DOCK2: variants seen among roughly 807,000 people sequenced by gnomAD.
DOCK2 encodes the protein dedicator of cytokinesis 2, also known as dedicator of cytokinesis protein 2.
A neutral mutation model predicts 248.9 loss-of-function variants in DOCK2; 87 were observed. The ratio of observed to expected loss-of-function variants is 0.35; its 90% CI spans 0.29 to 0.42. DOCK2 has a LOEUF of 0.42. DOCK2 is among the 10% of genes least tolerant of loss of function. The pLI is 1.00. For synonymous variants in DOCK2, 805 were observed against 821.6 expected (o/e 0.98, Z 0.35); for missense variants, 1,747 against 2,300.2 (o/e 0.76, Z 4.92).
At chr5:169,879,367 TA>T (rs955547089) in intron 27 of DOCK2, among the ~76,000 whole-genome samples, 11 of 151,440 alleles carry the variant, frequency 7.3e-5, no homozygotes, top group African/African-American at 2.2e-4. Flanking sequence ...GAATGTTTTC[TA>T]AAAAAAAATG....
At position 169,763,651 on chromosome 5, in the gene DOCK2, C is replaced by A. The variant is rs768554190; in HGVS notation, c.2554+2026C>A. Among the ~76,000 whole-genome samples, 2 of 152,218 alleles carry A rather than the reference C, an allele frequency of 1.3e-5. No individual in the cohort carries two copies. Among genetic ancestry groups the A allele is most frequent in the African/African-American group, 2.4e-5 (1 of 41,452 alleles). On this transcript the variant is annotated intron_variant, in intron 25 of 51. Transcript: ENST00000520908. This position sits in a 1 kb window ranked among gnomAD's most constrained non-coding sequence, Gnocchi z 4.1. ...GGCTGGACAGCTGCTGCTTCTCAGT[C>A]CTGCTGTGTGTCTGGGTTTCAGATT... is the stretch of plus-strand genomic sequence containing the variant.
chr5:169,956,070 T>G (rs1776854211), intron 27 of DOCK2, among the ~76,000 whole-genome samples: 1 of 149,128 alleles, frequency 6.7e-6, no homozygotes, highest in African/African-American at 2.5e-5. Context: ...AGGCTTGGGG[T>G]CTGGAGTCTG....
intron 26 of DOCK2, among the ~76,000 whole-genome samples, chr5:169,834,584 AC>A: frequency 1.5e-5 from 1 of 66,690 alleles, no homozygotes; most frequent in Admixed American, 1.6e-4. Context: ...CACAAGCCCT[AC>A]TCACATGCTC....
intron 3 of DOCK2, 46 bp downstream of exon 3, chr5:169,669,374 T>C: frequency 2.5e-6 from 4 of 1,604,750 alleles, no homozygotes; most frequent in African/African-American, 2.7e-5. Context: ...GAGGTCTTCA[T>C]ATGGCCCCGC....
intron 23 of DOCK2, among the ~76,000 whole-genome samples, chr5:169,750,866 G>T (rs564840751): frequency 6.6e-6 from 1 of 152,370 alleles, no homozygotes; most frequent in South Asian, 2.1e-4. Flanking sequence ...GATGAGGGCA[G>T]AGGTGTCAAG....
intron 32 of DOCK2, among the ~76,000 whole-genome samples, chr5:170,014,755 T>G (rs1755449004): frequency 6.6e-6 from 1 of 151,018 alleles, no homozygotes; most frequent in African/African-American, 2.4e-5. Context: ...AGTAGGCAGG[T>G]GGAGGGAGGG....
At chr5:170,050,155 TC>T in intron 40 of DOCK2, 100 bp from the exon 41 acceptor site, 1 of 1,465,562 alleles carries the variant, frequency 6.8e-7, no homozygotes, top group Non-Finnish European at 9.3e-7. Context: ...GCACTGGACA[TC>T]CCCATGGACC....
chr5:169,929,293 C>T (rs965715673), intron 27 of DOCK2, among the ~76,000 whole-genome samples: 1 of 152,174 alleles, frequency 6.6e-6, no homozygotes, highest in Non-Finnish European at 1.5e-5. Flanking sequence ...CTTTCCTTTC[C>T]CCATTGACAC....
At chr5:170,038,579 G>T (rs999180964) in intron 36 of DOCK2, among the ~76,000 whole-genome samples, 1 of 152,188 alleles carries the variant, frequency 6.6e-6, no homozygotes, top group African/African-American at 2.4e-5. Flanking sequence ...GCCGAACCGG[G>T]TGGTGGCAGC....
intron 30 of DOCK2, among the ~76,000 whole-genome samples, chr5:169,999,587 A>C (rs1754762389): frequency 6.6e-6 from 1 of 152,176 alleles, no homozygotes; most frequent in South Asian, 2.1e-4. Context: ...TGTAAAACAG[A>C]AGAGTGGCCA....
chr5:169,761,261 T>A, intron 24 of DOCK2: 1 of 366,364 alleles, frequency 2.7e-6, no homozygotes. Context: ...GAATGCAAAA[T>A]GCAAAGTGTG....
At position 170,080,263 on chromosome 5, in the gene DOCK2, A is replaced by T; in HGVS notation, c.5267A>T (p.Gln1756Leu). ...SVLSQMSFAS[Q>L]SMPTIPALAL... The stretch of plus-strand genomic sequence containing the variant: ...CTCTCTCAAATGAGCTTTGCCAGCC[A>T]GTCCATGCCTACCATCCCAGGTATG... The change falls in exon 50 of 52, where the codon CAG (glutamine) becomes CTG (leucine). Residue 1756 changes from glutamine (Q) to leucine (L), a missense_variant. By Grantham distance (113) the Gln-to-Leu change is moderately radical. Coordinates refer to ENST00000520908, the MANE Select transcript of DOCK2 (RefSeq NM_004946.3). 1 of 1,614,142 alleles carries T rather than the reference A, an allele frequency of 6.2e-7. No homozygotes were observed. The highest frequency in any genetic ancestry group is 8.5e-7 in the Non-Finnish European group (1 of 1,180,002).
chr5:169,808,442 T>A (rs36037302), intron 26 of DOCK2, among the ~76,000 whole-genome samples: 23,574 of 151,772 alleles, frequency 0.16, 2,162 homozygotes, highest in Admixed American at 0.22. Context: ...CAGGGGGAGA[T>A]GTCTGCCTTA....
intron 27 of DOCK2, among the ~76,000 whole-genome samples, chr5:169,909,289 T>G (rs1430604596): frequency 6.6e-6 from 1 of 152,224 alleles, no homozygotes; most frequent in Non-Finnish European, 1.5e-5. Flanking sequence ...AATAGCCCAG[T>G]GTTGCTGGTG....
intron 22 of DOCK2, among the ~76,000 whole-genome samples, chr5:169,725,402 T>C (rs78652227): frequency 0.095 from 14,491 of 152,268 alleles, 931 homozygotes; most frequent in African/African-American, 0.18. Context: ...CATGAACATA[T>C]GTGAAAGTGG....
chr5:169,717,734 G>T (rs1261325211), intron 21 of DOCK2, among the ~76,000 whole-genome samples: 1 of 152,160 alleles, frequency 6.6e-6, no homozygotes, highest in Non-Finnish European at 1.5e-5. Context: ...CAGCTAGCGT[G>T]CTCTCATTTC....
At chr5:169,976,931 A>T (rs1022572651) in intron 27 of DOCK2, among the ~76,000 whole-genome samples, 1 of 152,248 alleles carries the variant, frequency 6.6e-6, no homozygotes. Flanking sequence ...GTAGCAGGCC[A>T]CATGAACCTT....
chr5:169,925,413 T>C (rs1775385759), intron 27 of DOCK2, among the ~76,000 whole-genome samples: 1 of 151,816 alleles, frequency 6.6e-6, no homozygotes, highest in African/African-American at 2.4e-5. Flanking sequence ...AACCCCATCT[T>C]TACTAAAATT....
chr5:169,771,587 C>A (rs927813006), intron 25 of DOCK2, among the ~76,000 whole-genome samples: 1 of 152,014 alleles, frequency 6.6e-6, no homozygotes, highest in Non-Finnish European at 1.5e-5. Context: ...GGCCTTTTGT[C>A]TTTCTGTCAG....
Sources: gnomAD v4.1 joint callset for allele counts (sites outside exome capture counted in the v4.1 genomes callset) on GRCh38, gnomAD v4.1.1 for gene constraint, Gnocchi (gnomAD v3.1) non-coding constraint, MANE v1.5 for transcripts, NCBI Gene and HGNC (gene_info 2026-07-23, HGNC 2026-07-21) for gene names.